CDH10: variants seen among roughly 807,000 people sequenced by gnomAD.
CDH10 encodes the protein cadherin 10.
A neutral mutation model predicts 73.1 loss-of-function variants in CDH10; 30 were observed. The observed-to-expected ratio is 0.41, with a 90% CI of 0.31 to 0.56. The LOEUF is 0.56. Among genes scored for constraint, CDH10 ranks in the 20% least tolerant of loss-of-function variants. The probability of loss-of-function intolerance (pLI) is 0.27; values close to 1 mark genes in which losing one functional copy is unlikely to be tolerated. For missense variants in CDH10, 815 were observed against 973.7 expected (o/e 0.84, Z 2.17); for synonymous variants, 345 against 348.2 (o/e 0.99, Z 0.10).
At chr5:24,597,476 T>C (rs1264652963) in intron 1 of CDH10, among the ~76,000 whole-genome samples, 1 of 152,128 alleles carries the variant, frequency 6.6e-6, no homozygotes, top group East Asian at 1.9e-4. Context: ...ATATGGCGAC[T>C]GCAGTCAGAA....
At chr5:24,563,226 G>A (rs1745026162) in intron 2 of CDH10, among the ~76,000 whole-genome samples, 1 of 152,034 alleles carries the variant, frequency 6.6e-6, no homozygotes. Flanking sequence ...TTGTACTGTT[G>A]TATCTACCTC....
At chr5:24,525,477 G>T (rs768289758) in intron 5 of CDH10, among the ~76,000 whole-genome samples, 1 of 152,024 alleles carries the variant, frequency 6.6e-6, no homozygotes, top group Non-Finnish European at 1.5e-5. Context: ...AATTATGCAC[G>T]TTTATAAACC....
At chr5:24,602,239 C>A (rs1238116237) in intron 1 of CDH10, among the ~76,000 whole-genome samples, 1 of 152,056 alleles carries the variant, frequency 6.6e-6, no homozygotes, top group South Asian at 2.1e-4. Flanking sequence ...AGTCCTTGCA[C>A]CAATTATATA....
intron 5 of CDH10, among the ~76,000 whole-genome samples, chr5:24,516,495 C>A (rs1442466184): frequency 6.6e-6 from 1 of 151,954 alleles, no homozygotes; most frequent in Admixed American, 6.6e-5. Context: ...CATTCAGTTC[C>A]ACATTTATTA....
chr5:24,547,496 A>G (rs2111936202), intron 2 of CDH10, among the ~76,000 whole-genome samples: 1 of 152,260 alleles, frequency 6.6e-6, no homozygotes, highest in Admixed American at 6.5e-5. Context: ...TAGGAGAAAA[A>G]AAAATAAGAG....
intron 8 of CDH10, among the ~76,000 whole-genome samples, chr5:24,501,309 G>T (rs925081617): frequency 1.3e-5 from 2 of 152,080 alleles, no homozygotes; most frequent in African/African-American, 2.4e-5. Flanking sequence ...ATAATTCAAG[G>T]CTCTTAAAAT....
intron 2 of CDH10, among the ~76,000 whole-genome samples, chr5:24,555,235 T>C (rs1744724699): frequency 6.6e-6 from 1 of 152,148 alleles, no homozygotes; most frequent in Admixed American, 6.6e-5. Flanking sequence ...AAAGTATCAG[T>C]GACATTTTAT....
Position 24,491,823 on chromosome 5 carries a change from A to G in CDH10, c.1629T>C (p.Asn543=), listed in dbSNP as rs749564299. 5.7e-6 allele frequency: 9 copies of G among 1,587,538 alleles called. No individual in the cohort carries two copies. Among genetic ancestry groups the G allele is most frequent in the Middle Eastern group, 1.7e-4 (1 of 5,818 alleles). ...TTTTTCTGGTTAAGATTCTGGCAGTATTATCTAAAACAAATTTTAAAATAT... is the reference window on the plus strand; with the variant it reads ...TTTTTCTGGTTAAGATTCTGGCAGTGTTATCTAAAACAAATTTTAAAATAT... ...PNFTVQDNED[N]TARILTRKNG... Residue 543 remains asparagine (N), a synonymous_variant, in exon 11 of 12, where the codon AAT becomes AAC. Transcript: ENST00000264463.
chr5:24,635,411 T>C (rs910946450), intron 1 of CDH10, among the ~76,000 whole-genome samples: 6 of 151,954 alleles, frequency 3.9e-5, no homozygotes, highest in Admixed American at 1.3e-4. Context: ...CTCACAACAG[T>C]TAGTCTCACT....
intron 5 of CDH10, among the ~76,000 whole-genome samples, chr5:24,534,159 C>T (rs2111871372): frequency 6.6e-6 from 1 of 151,886 alleles, no homozygotes; most frequent in African/African-American, 2.4e-5. Flanking sequence ...ATAAATATTA[C>T]AAAAAAAGCT....
intron 5 of CDH10, among the ~76,000 whole-genome samples, chr5:24,525,727 C>A (rs111920334): frequency 0.012 from 1,860 of 152,082 alleles, 36 homozygotes; most frequent in African/African-American, 0.041. Context: ...TTTGTGAGCA[C>A]TGGAGATACG....
chr5:24,491,479 T>G (rs1742051345), intron 11 of CDH10, 97 bp downstream of exon 11: 1 of 943,872 alleles, frequency 1.1e-6, no homozygotes, highest in African/African-American at 1.6e-5. Flanking sequence ...TCTTAAAATT[T>G]GGGGTGGTTT....
intron 2 of CDH10, among the ~76,000 whole-genome samples, chr5:24,575,375 G>GTAAAAAAA (rs1745565331): frequency 7.2e-6 from 1 of 139,692 alleles, no homozygotes. Context: ...AAAAAAAAAG[G>GTAAAAAAA]AAAAAAAAGA....
At chr5:24,587,971 G>A (rs1185646054) in intron 2 of CDH10, among the ~76,000 whole-genome samples, 2 of 152,182 alleles carry the variant, frequency 1.3e-5, no homozygotes, top group African/African-American at 4.8e-5. Flanking sequence ...GGTCTGCTCT[G>A]AAGATATTAT....
chr5:24,495,775 C>T (rs1242615581), intron 9 of CDH10, among the ~76,000 whole-genome samples: 2 of 151,472 alleles, frequency 1.3e-5, no homozygotes, highest in African/African-American at 4.9e-5. Context: ...TGAACCGAAC[C>T]CAGGAGGCGG....
intron 7 of CDH10, among the ~76,000 whole-genome samples, chr5:24,509,174 T>A (rs1318047273): frequency 6.6e-6 from 1 of 150,774 alleles, no homozygotes; most frequent in East Asian, 1.9e-4. Context: ...TTTCTTGATC[T>A]GTATATGTAT....
intron 8 of CDH10, among the ~76,000 whole-genome samples, chr5:24,502,501 C>T (rs1220364458): frequency 6.6e-6 from 1 of 152,040 alleles, no homozygotes; most frequent in African/African-American, 2.4e-5. Flanking sequence ...TGCTGTTTCC[C>T]TCTCATCCTC....
At chr5:24,564,815 A>G (rs562347888) in intron 2 of CDH10, among the ~76,000 whole-genome samples, 1 of 152,048 alleles carries the variant, frequency 6.6e-6, no homozygotes, top group South Asian at 2.1e-4. Context: ...CATGTCTTCC[A>G]CCTCTCTCAG....
chr5:24,561,864 C>T (rs1402535956), intron 2 of CDH10, among the ~76,000 whole-genome samples: 1 of 152,056 alleles, frequency 6.6e-6, no homozygotes, highest in Non-Finnish European at 1.5e-5. Flanking sequence ...GGATTCAGAA[C>T]ATTAAGAGAG....
Sources: gnomAD v4.1 joint callset for allele counts (sites outside exome capture counted in the v4.1 genomes callset) on GRCh38, gnomAD v4.1.1 for gene constraint, MANE v1.5 for transcripts, NCBI Gene and HGNC (gene_info 2026-07-23, HGNC 2026-07-21) for gene names.